The following WDR72 variants were observed in gnomAD, a reference collection of about 807,000 sequenced individuals.
The protein encoded by WDR72 is WD repeat-containing protein 72.
A neutral mutation model predicts 124.2 loss-of-function variants in WDR72; 120 were observed. That is an observed-to-expected ratio of 0.97 (90% CI 0.83 to 1.12). WDR72 has a LOEUF of 1.12. Ranked by LOEUF, WDR72 falls within the 50% of genes most tolerant of loss-of-function variation. The probability of loss-of-function intolerance (pLI) is 0.00; values close to 1 mark genes in which losing one functional copy is unlikely to be tolerated. For missense variants in WDR72, 1,387 were observed against 1,278.8 expected, an observed-to-expected ratio of 1.08 and a Z score of -1.29; for synonymous variants, 452 against 441.7, an observed-to-expected ratio of 1.02 and a Z score of -0.29.
chr15:53,529,145 C>CATATATATATATAT (rs34418320), intron 18 of WDR72, among the ~76,000 whole-genome samples: 3 of 112,550 alleles, frequency 2.7e-5, no homozygotes, highest in South Asian at 6.2e-4. Context: ...CTGTTTAGCC[C>CATATATATATATAT]ATATATATAT....
chr15:53,737,157 T>C (rs746193278), intron 1 of WDR72, among the ~76,000 whole-genome samples: 7 of 152,076 alleles, frequency 4.6e-5, no homozygotes, highest in Non-Finnish European at 1.0e-4. Flanking sequence ...CAGGTTTTAT[T>C]GGGAAACTGG....
intron 14 of WDR72, 112 bp downstream of exon 14, chr15:53,665,460 T>A (rs1248135122): frequency 5.0e-6 from 6 of 1,189,874 alleles, no homozygotes; most frequent in Non-Finnish European, 1.2e-6. Flanking sequence ...TGCAGCAGTC[T>A]CTTAGTTCTT....
At chr15:53,676,387 GC>G (rs2016172812) in intron 13 of WDR72, among the ~76,000 whole-genome samples, 1 of 152,188 alleles carries the variant, frequency 6.6e-6, no homozygotes, top group South Asian at 2.1e-4. Flanking sequence ...AATAGACCAG[GC>G]CTAATTTGAT....
rs368661005 is a variant in WDR72 at position 53,675,026 on chromosome 15, C to T, written c.1766-9258G>A. On this transcript the variant is annotated intron_variant, in intron 13 of 19. Transcript: ENST00000360509. ...GCAAAGAATGCATTAATTTTCAACA[C>T]ATTTTAAACTAGGGTTTTCTTGATA... Among the ~76,000 whole-genome samples, 37 of 152,284 alleles carry T rather than the reference C, an allele frequency of 2.4e-4. No homozygotes were observed. The South Asian group carries it at 7.3e-3, about 30-fold the overall frequency.
At chr15:53,586,998 C>A (rs774156038) in intron 18 of WDR72, among the ~76,000 whole-genome samples, 1 of 151,870 alleles carries the variant, frequency 6.6e-6, no homozygotes, top group Non-Finnish European at 1.5e-5. Flanking sequence ...GGTACTGCCC[C>A]CTAGGGGGAG....
chr15:53,697,314 G>A (rs1364481002), intron 13 of WDR72, among the ~76,000 whole-genome samples: 1 of 152,134 alleles, frequency 6.6e-6, no homozygotes, highest in African/African-American at 2.4e-5. Context: ...GGAGGCTGAT[G>A]CCCAGAACTG....
intron 9 of WDR72, among the ~76,000 whole-genome samples, chr15:53,710,200 T>C (rs1450444836): frequency 2.6e-5 from 4 of 152,238 alleles, no homozygotes; most frequent in Admixed American, 2.0e-4. Context: ...CTGAAAATGA[T>C]ATCAATATAT....
In WDR72 at chr15:53,616,192, T is replaced by C. The variant is rs746147193; in HGVS notation, c.2014A>G (p.Thr672Ala). 1 of 1,605,958 alleles carries C rather than the reference T, an allele frequency of 6.2e-7. No individual in the cohort carries two copies. Among genetic ancestry groups the C allele is most frequent in the Non-Finnish European group, 8.5e-7 (1 of 1,178,786 alleles). ...PRPFNVLPVK[T>A]KWSNVGFHIL... ...TGAAAGCCAACGTTACTCCATTTTGTCTTCACAGGCAAGACATTAAAAGGT... is the reference window on the plus strand; with the variant it reads ...TGAAAGCCAACGTTACTCCATTTTGCCTTCACAGGCAAGACATTAAAAGGT... Residue 672 changes from threonine (T) to alanine (A), a missense_variant, in exon 15 of 20, where the codon ACA (threonine) becomes GCA (alanine). Transcript: ENST00000360509.
intron 17 of WDR72, among the ~76,000 whole-genome samples, chr15:53,601,609 T>TAAC (rs58948469): frequency 0.14 from 21,425 of 150,932 alleles, 2,382 homozygotes; most frequent in African/African-American, 0.31. Flanking sequence ...GTCTTCAAGA[T>TAAC]AACATGTCAA....
At chr15:53,706,362 A>ATATATATATGTGTGTG (rs1555426243) in intron 9 of WDR72, among the ~76,000 whole-genome samples, 16 of 43,940 alleles carry the variant, frequency 3.6e-4, no homozygotes, top group African/African-American at 1.4e-3. Context: ...ATATATATAT[A>ATATATATATGTGTGTG]TATATATATA....
At chr15:53,523,406 T>C (rs1891918383) in intron 18 of WDR72, 84 bp from the exon 19 acceptor site, 2 of 1,293,106 alleles carry the variant, frequency 1.5e-6, no homozygotes, top group Non-Finnish European at 2.2e-6. Context: ...ACATTTCCTT[T>C]CAGTTCCACA....
chr15:53,724,624 G>A (rs1477546088), intron 2 of WDR72, among the ~76,000 whole-genome samples: 2 of 152,150 alleles, frequency 1.3e-5, no homozygotes, highest in East Asian at 1.9e-4. Flanking sequence ...CACAAGAACA[G>A]CATGAGAAAA....
At chr15:53,741,488 C>A (rs998976879) in intron 1 of WDR72, among the ~76,000 whole-genome samples, 1 of 152,160 alleles carries the variant, frequency 6.6e-6, no homozygotes, top group Non-Finnish European at 1.5e-5. Context: ...ATTGTAAATA[C>A]CGTAATTAGT....
intron 14 of WDR72, among the ~76,000 whole-genome samples, chr15:53,664,192 G>A (rs2015701871): frequency 6.6e-6 from 1 of 152,090 alleles, no homozygotes; most frequent in South Asian, 2.1e-4. Flanking sequence ...AATATCCTCT[G>A]GGCTCTGACT....
chr15:53,633,280 C>T (rs954300047), intron 14 of WDR72, among the ~76,000 whole-genome samples: 1 of 152,088 alleles, frequency 6.6e-6, no homozygotes. Context: ...GTGGCATCTC[C>T]CCATAACTCT....
chr15:53,683,553 T>C (rs1337443156), intron 13 of WDR72, among the ~76,000 whole-genome samples: 1 of 152,142 alleles, frequency 6.6e-6, no homozygotes, highest in African/African-American at 2.4e-5. Flanking sequence ...AACTGAATCC[T>C]ATGAAACAAC....
intron 18 of WDR72, among the ~76,000 whole-genome samples, chr15:53,588,698 C>G (rs1231437716): frequency 6.6e-6 from 1 of 152,024 alleles, no homozygotes; most frequent in Non-Finnish European, 1.5e-5. Flanking sequence ...AGACAAAGCT[C>G]TCTAAATCAG....
chr15:53,516,238 T>G lies in WDR72; in HGVS notation c.*1461A>C, dbSNP rs1891454566. Reference sequence around the variant, plus strand: ...AAATCATATTTTAGGAAACAAAGAATGCACACTTTAATCTACTTTAAGGGA... The same window carrying G: ...AAATCATATTTTAGGAAACAAAGAAGGCACACTTTAATCTACTTTAAGGGA... On this transcript the variant is annotated 3_prime_UTR_variant, in exon 20 of 20. Coordinates refer to ENST00000360509, the MANE Select transcript of WDR72 (RefSeq NM_182758.4). 6.6e-6 allele frequency: 1 copy of G among 152,172 alleles called. No individual in the cohort carries two copies. Among genetic ancestry groups the G allele is most frequent in the Admixed American group, 6.5e-5 (1 of 15,268 alleles). The allele number at this position is 152,172 out of a possible 1,614,324, so 9.4% of individuals were successfully genotyped here.
In WDR72 at chr15:53,665,730, T is replaced by C. The variant is rs150900206; in HGVS notation, c.1804A>G (p.Ile602Val). The change falls in exon 14 of 20, where the codon ATT becomes GTT. Residue 602 changes from isoleucine (I) to valine (V), a missense_variant. Coordinates refer to ENST00000360509, the MANE Select transcript of WDR72 (RefSeq NM_182758.4). ...ERHETGERAR[I>V]ILNCCDDSQL... The stretch of plus-strand genomic sequence containing the variant: ...GAATCATCACAACAATTAAGAATAA[T>C]TCGTGCTCTTTCTCCTGTCTCATGT... 2 of 1,613,846 alleles carry C rather than the reference T, an allele frequency of 1.2e-6. No individual in the cohort carries two copies. The highest frequency in any genetic ancestry group is 8.5e-7 in the Non-Finnish European group (1 of 1,179,854).
Sources: allele counts gnomAD v4.1 joint callset (sites outside exome capture counted in the v4.1 genomes callset), GRCh38; gene constraint gnomAD v4.1.1; transcripts MANE v1.5; gene names NCBI Gene and HGNC (gene_info 2026-07-23, HGNC 2026-07-21).